Variants in FRMD5 observed in about 807,000 individuals in gnomAD.
The protein encoded by FRMD5 is FERM domain containing 5, also known as FERM domain-containing protein 5.
A neutral mutation model predicts 69.0 loss-of-function variants in FRMD5; 20 were observed. That is an observed-to-expected ratio of 0.29 (90% CI 0.20 to 0.42). The LOEUF (loss-of-function observed/expected upper bound fraction) is 0.42. Among genes scored for constraint, FRMD5 ranks in the 10% least tolerant of loss-of-function variants. FRMD5 has a pLI of 1.00. For missense variants in FRMD5, 595 were observed against 708.6 expected, an observed-to-expected ratio of 0.84 and a Z score of 1.82; for synonymous variants, 271 against 260.1, an observed-to-expected ratio of 1.04 and a Z score of -0.40.
chr15:43,990,501 C>G (rs566599560), intron 1 of FRMD5, among the ~76,000 whole-genome samples: 21 of 152,190 alleles, frequency 1.4e-4, no homozygotes, highest in African/African-American at 4.8e-4. Context: ...AATAGAGTTT[C>G]AAATGTTTTG....
At chr15:43,940,590 A>G (rs947875723) in intron 1 of FRMD5, among the ~76,000 whole-genome samples, 5 of 152,222 alleles carry the variant, frequency 3.3e-5, no homozygotes, top group African/African-American at 1.2e-4. Context: ...TTGCAGATCA[A>G]TATGGAGAGG....
chr15:44,082,421 T>G (rs1894034746), intron 1 of FRMD5, among the ~76,000 whole-genome samples: 1 of 152,010 alleles, frequency 6.6e-6, no homozygotes, highest in Admixed American at 6.6e-5. Flanking sequence ...TCAGTCCTCC[T>G]CCCTGGAGAG....
chr15:43,924,506 C>T (rs993102554), intron 1 of FRMD5, among the ~76,000 whole-genome samples, 197 bp from the exon 2 acceptor site: 1 of 152,118 alleles, frequency 6.6e-6, no homozygotes, highest in Admixed American at 6.6e-5. Flanking sequence ...CTGGAAGGAG[C>T]CCAAGAACCC....
chr15:43,960,164 C>T (rs28729677), intron 1 of FRMD5, among the ~76,000 whole-genome samples: 28,648 of 152,116 alleles, frequency 0.19, 6,063 homozygotes, highest in African/African-American at 0.52. Flanking sequence ...TCTCGGCTCA[C>T]TGCAAACTCC....
chr15:44,121,560 T>C (rs1278284288), intron 1 of FRMD5, among the ~76,000 whole-genome samples: 1 of 151,950 alleles, frequency 6.6e-6, no homozygotes, highest in East Asian at 1.9e-4. Flanking sequence ...ACCAAATCTC[T>C]CAAGCTCGAG....
intron 1 of FRMD5, among the ~76,000 whole-genome samples, chr15:44,101,158 AACAAC>A (rs1046803658): frequency 3.4e-5 from 5 of 146,454 alleles, no homozygotes; most frequent in African/African-American, 1.3e-4. Context: ...CAAAAAAAAA[AACAAC>A]AAACAAACAG....
At chr15:43,968,008 A>C (rs2140565789) in intron 1 of FRMD5, among the ~76,000 whole-genome samples, 1 of 152,004 alleles carries the variant, frequency 6.6e-6, no homozygotes, top group African/African-American at 2.4e-5. Context: ...ATGAGTGAGA[A>C]CAATGCATTT....
intron 1 of FRMD5, among the ~76,000 whole-genome samples, chr15:43,932,528 G>C (rs2089692888): frequency 6.6e-6 from 1 of 152,068 alleles, no homozygotes; most frequent in South Asian, 2.1e-4. Context: ...ATGCTCCCTA[G>C]AAAGGAGGAG....
chr15:43,967,234 T>C (rs1253604181), intron 1 of FRMD5, among the ~76,000 whole-genome samples: 4 of 150,494 alleles, frequency 2.7e-5, no homozygotes, highest in Non-Finnish European at 5.9e-5. Flanking sequence ...TATAAACATA[T>C]ATATATATAT....
At chr15:43,957,068 T>A (rs1457030294) in intron 1 of FRMD5, among the ~76,000 whole-genome samples, 1 of 152,238 alleles carries the variant, frequency 6.6e-6, no homozygotes, top group Non-Finnish European at 1.5e-5. Flanking sequence ...TAACGTTTTA[T>A]AATTTGCAAA....
intron 1 of FRMD5, among the ~76,000 whole-genome samples, chr15:44,104,139 C>G (rs530988389): frequency 6.6e-6 from 1 of 152,092 alleles, no homozygotes; most frequent in African/African-American, 2.4e-5. Context: ...ACCTTGTGTA[C>G]GCCCAGGTTA....
At chr15:43,939,535 C>CT (rs1020834893) in intron 1 of FRMD5, among the ~76,000 whole-genome samples, 3 of 151,892 alleles carry the variant, frequency 2.0e-5, no homozygotes, top group African/African-American at 7.3e-5. Context: ...CTGGGGTGCT[C>CT]TTTTTTATTA....
upstream of FRMD5, among the ~76,000 whole-genome samples, chr15:44,198,178 G>A (rs2078323203): frequency 6.6e-6 from 1 of 151,852 alleles, no homozygotes; most frequent in Non-Finnish European, 1.5e-5. Flanking sequence ...ACAAAGATTA[G>A]CTGGGTGTGG....
chr15:44,089,310 T>C (rs1008642396), intron 1 of FRMD5, among the ~76,000 whole-genome samples: 7 of 152,174 alleles, frequency 4.6e-5, no homozygotes, highest in Non-Finnish European at 8.8e-5. Flanking sequence ...CATAAAACTA[T>C]TAACGATGGT....
intron 1 of FRMD5, among the ~76,000 whole-genome samples, chr15:44,016,053 A>C (rs1433506013): frequency 1.3e-5 from 2 of 152,198 alleles, no homozygotes; most frequent in African/African-American, 4.8e-5. Context: ...CCACCAGTTC[A>C]TAGGACCCAA....
chr15:44,006,937 T>C (rs1890477937), intron 1 of FRMD5, among the ~76,000 whole-genome samples: 1 of 152,210 alleles, frequency 6.6e-6, no homozygotes, highest in African/African-American at 2.4e-5. Flanking sequence ...TGAAAGAAGT[T>C]CTACTGTGGG....
chr15:43,954,040 A>G (rs943143441), intron 1 of FRMD5, among the ~76,000 whole-genome samples: 1 of 152,218 alleles, frequency 6.6e-6, no homozygotes, highest in Non-Finnish European at 1.5e-5. Context: ...CCTGGGTAGA[A>G]TGATCATTAC....
intron 1 of FRMD5, among the ~76,000 whole-genome samples, chr15:43,938,225 C>T: frequency 7.1e-6 from 1 of 141,188 alleles, no homozygotes; most frequent in African/African-American, 2.9e-5. Context: ...GAGCGAGACT[C>T]CGTCTCAAAA....
At chr15:44,159,031 T>C (rs372888614) in intron 1 of FRMD5, among the ~76,000 whole-genome samples, 2 of 152,044 alleles carry the variant, frequency 1.3e-5, no homozygotes, top group Admixed American at 6.6e-5. Flanking sequence ...TCAGACAATG[T>C]AGCACTAGAA....
Sources: allele counts gnomAD v4.1 joint callset (sites outside exome capture counted in the v4.1 genomes callset), GRCh38; gene constraint gnomAD v4.1.1; transcripts MANE v1.5; gene names NCBI Gene and HGNC (gene_info 2026-07-23, HGNC 2026-07-21).